Variants in ESX1 observed in about 807,000 individuals in gnomAD.
ESX1 encodes the protein ESX homeobox 1, also known as homeobox protein ESX1.
Under a neutral mutation model 13.2 loss-of-function variants are expected in ESX1, and 2 were observed. The ratio of observed to expected loss-of-function variants is 0.15; its 90% CI spans 0.06 to 0.48. The LOEUF (loss-of-function observed/expected upper bound fraction) is 0.48, where lower values mean the gene tolerates loss of function less well. ESX1 is among the 20% of genes least tolerant of loss of function. The pLI, the probability that ESX1 is intolerant of heterozygous loss-of-function variation, is 0.97. For missense variants in ESX1, 307 were observed against 379.0 expected, an observed-to-expected ratio of 0.81 and a Z score of 1.58; for synonymous variants, 157 against 163.1, an observed-to-expected ratio of 0.96 and a Z score of 0.29.
intron 2 of ESX1, 73 bp downstream of exon 2, chrX:104,254,081 C>A: frequency 9.0e-7 from 1 of 1,116,106 alleles, no homozygotes; most frequent in Non-Finnish European, 1.2e-6. Context: ...CGCCCGTGAG[C>A]CCCCTACGTG....
At chrX:104,254,716 A>G in intron 1 of ESX1, 52 bp downstream of exon 1, 1 of 1,167,104 alleles carries the variant, frequency 8.6e-7, no homozygotes, top group Non-Finnish European at 1.2e-6. Context: ...TCCCAGGGAA[A>G]AATTCCTCTT....
Position 104,250,546 on chromosome X carries a change from C to A in ESX1, c.903G>T (p.Ala301=). 1.8e-6 allele frequency: 2 copies of A among 1,137,586 alleles called. No individual in the cohort carries two copies. The highest frequency in any genetic ancestry group is 2.3e-6 in the Non-Finnish European group (2 of 859,823). 93.7% of individuals were successfully genotyped at this position (1,137,586 alleles called of 1,213,427 possible). The stretch of plus-strand genomic sequence containing the variant: ...CCATGGGCGGCCAGGGTGGCACAGG[C>A]GCCATGGGCGGCCAGGGTGGCACAG... The part of the protein sequence containing the change: ...MAPVPPWPPM[A]PVPPWPPMAP... Residue 301 remains alanine (A), a synonymous_variant, in exon 4 of 4, where the codon GCG becomes GCT. Coordinates refer to ENST00000372588, the MANE Select transcript of ESX1 (RefSeq NM_153448.4).
At position 104,254,715 on chromosome X, in the gene ESX1, A is replaced by G. The variant is rs921846261; in HGVS notation, c.82+53T>C. The G allele has an allele frequency of 1.4e-5, 16 of 1,162,376 alleles. No homozygotes were observed. The African/African-American group carries it at 2.5e-4, about 18-fold the overall frequency. On this transcript the variant is annotated intron_variant, in intron 1 of 3. Transcript: ENST00000372588. ...CTCCTCCGCTTGCCTCTCCCAGGGAAAAATTCCTCTTTTGGAGTTCGCGAA... is the reference window on the plus strand; with the variant it reads ...CTCCTCCGCTTGCCTCTCCCAGGGAGAAATTCCTCTTTTGGAGTTCGCGAA...
rs41305431 is a variant in ESX1, at chrX:104,250,871, T to G, written c.578A>C (p.Lys193Thr). ...TAGCACCCTCTGATTTCGTTTCCAC[T>G]TGGCTCTTCTGTTCTGAAACCAAAC... ...VQVWFQNRRAKWKRNQRVLML... is the reference protein window; with the variant it reads ...VQVWFQNRRATWKRNQRVLML... The change falls in exon 4 of 4, where the codon AAG becomes ACG. Residue 193 changes from lysine (K) to threonine (T), a missense_variant. This residue lies in a region of ESX1 where 108 missense variants were observed against 147.5 expected (regional missense o/e 0.73). Coordinates refer to ENST00000372588, the MANE Select transcript of ESX1 (RefSeq NM_153448.4). The G allele has an allele frequency of 8.3e-7, 1 of 1,204,422 alleles. No homozygotes were observed.
rs1923278596 is a variant in ESX1, at chrX:104,254,479, C to A, written c.181G>T (p.Val61Phe). 19 of 1,210,792 alleles carry A rather than the reference C, an allele frequency of 1.6e-5. No individual in the cohort carries two copies. In the South Asian group the frequency reaches 3.0e-4, roughly 19 times the overall value. ...GAGGGGACGGACCCTTCCGTGCCAACGTTGTTTTCCGCTTCTGTTCCGTAC... is the reference window on the plus strand; with the variant it reads ...GAGGGGACGGACCCTTCCGTGCCAAAGTTGTTTTCCGCTTCTGTTCCGTAC... ...PEYGTEAENN[V>F]GTEGSVPSDD... The change falls in exon 2 of 4, where the codon GTT becomes TTT. Residue 61 changes from valine to phenylalanine, a missense_variant. This residue lies in a region of ESX1 where 152 missense variants were observed against 114.5 expected (regional missense o/e 1.33). Transcript: ENST00000372588.
In ESX1 at chrX:104,250,065, ATAC is replaced by A. The variant is rs1923117073; in HGVS notation, c.*160_*162del. 2 of 656,166 alleles carry A rather than the reference ATAC, an allele frequency of 3.0e-6. No homozygotes were observed. Among genetic ancestry groups the A allele is most frequent in the East Asian group, 8.3e-5 (2 of 23,966 alleles). The allele number at this position is 656,166 out of a possible 1,213,427, so 54.1% of individuals were successfully genotyped here. The stretch of plus-strand genomic sequence containing the variant: ...CTATTAAGTCACATCTTTATTGAAA[ATAC>A]TACAATTATGTGGCCTACAAAAATA... On this transcript the variant is annotated 3_prime_UTR_variant, in exon 4 of 4. Transcript: ENST00000372588.
Position 104,250,787 on chromosome X carries a change from C to G in ESX1, c.662G>C (p.Gly221Ala). 8.3e-7 allele frequency: 1 copy of G among 1,211,443 alleles called. No individual in the cohort carries two copies. Residue 221 changes from glycine to alanine, a missense_variant, in exon 4 of 4, where the codon GGG becomes GCG. By Grantham distance (60) the Gly-to-Ala change is moderately conservative. This residue lies in a region of ESX1 where 108 missense variants were observed against 147.5 expected (regional missense o/e 0.73). Transcript: ENST00000372588. The part of the protein sequence containing the change: ...LAHPLDMFLG[G>A]AYYAAPALDP... ...CAGAGCAGGAGCAGCATAATAGGCC[C>G]CACCCAAGAACATGTCCAAAGGGTG...
At chrX:104,251,229 T>G (rs114197437) in intron 3 of ESX1, among the ~76,000 whole-genome samples, 4,979 of 112,226 alleles carry the variant, frequency 0.044, 245 homozygotes, top group African/African-American at 0.15. Flanking sequence ...TTGGGGGATA[T>G]TCATGCTATA....
In ESX1 at chrX:104,254,367, T is replaced by C. The variant is rs782102492; in HGVS notation, c.293A>G (p.Gln98Arg). Reference sequence around the variant, plus strand: ...CAGCTCGAGCAGGGGCGGCTCCTCCTGCTGTTGCTCCGGCTTGGTCAGGGG... The same window carrying C: ...CAGCTCGAGCAGGGGCGGCTCCTCCCGCTGTTGCTCCGGCTTGGTCAGGGG... ...EPPLTKPEQQ[Q>R]EEPPLLELKQ... Residue 98 changes from glutamine (Q) to arginine (R), a missense_variant, in exon 2 of 4, where the codon CAG becomes CGG. Gln to Arg is a conservative substitution (Grantham distance 43). Around this residue, in one of 3 missense-constraint regions of ESX1, gnomAD observed 152 missense variants for 114.5 expected, o/e 1.33. Transcript: ENST00000372588. 3 of 1,211,442 alleles carry C rather than the reference T, an allele frequency of 2.5e-6. No homozygotes were observed. Among genetic ancestry groups the C allele is most frequent in the South Asian group, 1.8e-5 (1 of 56,955 alleles).
At chrX:104,254,066 G>C in intron 2 of ESX1, 88 bp downstream of exon 2, 1 of 1,083,103 alleles carries the variant, frequency 9.2e-7, no homozygotes, top group South Asian at 2.2e-5. Flanking sequence ...CAAGGGCGGA[G>C]GCAGCGCCCG....
rs73515207 is a variant in ESX1 at position 104,253,381 on chromosome X, T to C, written c.507-553A>G. Among the ~76,000 whole-genome samples the C allele has an allele frequency of 3.2e-3, 342 of 106,468 alleles. 3 individuals are homozygous for C. Among genetic ancestry groups the C allele is most frequent in the African/African-American group, 0.011 (328 of 28,999 alleles). 92.5% of individuals were successfully genotyped at this position (106,468 alleles called of 115,157 possible). A position where few individuals can be genotyped will look rare whatever the true frequency, so the allele number is the denominator to read the frequency against. On this transcript the variant is annotated intron_variant, in intron 2 of 3. Transcript: ENST00000372588. ...AGCAGAGAACAACCCTGGAAATCTTTCCTTGGGAAGTCCGTCCGTGAAAAA... is the reference window on the plus strand; with the variant it reads ...AGCAGAGAACAACCCTGGAAATCTTCCCTTGGGAAGTCCGTCCGTGAAAAA...
At chrX:104,253,152 A>C (rs1487300854) in intron 2 of ESX1, among the ~76,000 whole-genome samples, 5 of 102,918 alleles carry the variant, frequency 4.9e-5, no homozygotes, top group Non-Finnish European at 9.7e-5. Context: ...CAAAAAAAAA[A>C]CATATATATA....
At position 104,254,829 on chromosome X, in the gene ESX1, G is replaced by A; in HGVS notation, c.21C>T (p.Tyr7=). The A allele has an allele frequency of 8.3e-7, 1 of 1,209,540 alleles. No homozygotes were observed. The highest frequency in any genetic ancestry group is 1.1e-6 in the Non-Finnish European group (1 of 893,366). Reference sequence around the variant, plus strand: ...TGCGGTAGCCAATATCACTGTGGGTGTACCCGCGAAGAGACTCCATGCTTC... The same window carrying A: ...TGCGGTAGCCAATATCACTGTGGGTATACCCGCGAAGAGACTCCATGCTTC... MESLRG[Y]THSDIGYRSL... is the part of the protein sequence containing the mutation. The change falls in exon 1 of 4, where the codon TAC becomes TAT. Residue 7 remains tyrosine (Y), a synonymous_variant. Coordinates refer to ENST00000372588, the MANE Select transcript of ESX1 (RefSeq NM_153448.4).
chrX:104,250,648 TATGGGTGGCCTGGGTGGCATAGGGACC>T lies in ESX1; in HGVS notation c.774_800del (p.Met258_Pro266del), dbSNP rs781913614. ...CAGGCGCCATGGGTGGCATAGGTGC[TATGGGTGGCCTGGGTGGCATAGGGACC>T]ATGGGTGGCCTGGGTGGCATAGGTG... On this transcript the variant is annotated inframe_deletion, in exon 4 of 4. Coordinates refer to ENST00000372588, the MANE Select transcript of ESX1 (RefSeq NM_153448.4). 19 of 1,207,285 alleles carry T rather than the reference TATGGGTGGCCTGGGTGGCATAGGGACC, an allele frequency of 1.6e-5. No homozygotes were observed. Among genetic ancestry groups the T allele is most frequent in the Admixed American group, 2.2e-5 (1 of 45,654 alleles).
At chrX:104,253,252 C>T (rs1399234878) in intron 2 of ESX1, among the ~76,000 whole-genome samples, 1 of 108,978 alleles carries the variant, frequency 9.2e-6, no homozygotes. Flanking sequence ...GAGGTTTTTC[C>T]CATTAACAAC....
rs1399629275 is a variant in ESX1, at chrX:104,254,142, C to T, written c.506+12G>A. 4.2e-6 allele frequency: 5 copies of T among 1,186,559 alleles called. No homozygotes were observed. In the African/African-American group the frequency reaches 8.8e-5, roughly 21 times the overall value. ...CGGGATGAACTGGGCGCCTCCGGGG[C>T]AAGCCACTTACCGCGCCACAACGTC... On this transcript the variant is annotated intron_variant, in intron 2 of 3. Transcript: ENST00000372588.
chrX:104,254,585 G>T lies in ESX1; in HGVS notation c.83-8C>A. 1 of 1,205,114 alleles carries T rather than the reference G, an allele frequency of 8.3e-7. No individual in the cohort carries two copies. ...TCACGGTAAGTTTCTCATCTGGGAA[G>T]GGAGGAAAGCAAAAGAGACACCAGG... On this transcript the variant is annotated splice_region_variant and splice_polypyrimidine_tract_variant and intron_variant, in intron 1 of 3. Coordinates refer to ENST00000372588, the MANE Select transcript of ESX1 (RefSeq NM_153448.4).
At chrX:104,252,711 T>C in intron 3 of ESX1, 72 bp downstream of exon 3, 1 of 1,017,137 alleles carries the variant, frequency 9.8e-7, no homozygotes, top group Non-Finnish European at 1.4e-6. Context: ...AGCTTGAGAA[T>C]GTCCAGGACA....
At position 104,254,444 on chromosome X, in the gene ESX1, T is replaced by G. The variant is rs1556395374; in HGVS notation, c.216A>C (p.Gln72His). The G allele has an allele frequency of 3.3e-6, 4 of 1,212,337 alleles. No individual in the cohort carries two copies. The highest frequency in any genetic ancestry group is 3.3e-6 in the Non-Finnish European group (3 of 895,628). Residue 72 changes from glutamine (Q) to histidine (H), a missense_variant, in exon 2 of 4, where the codon CAA becomes CAC. Coordinates refer to ENST00000372588, the MANE Select transcript of ESX1 (RefSeq NM_153448.4). ...CGTGGCCGCCGCCACCCTCACGGTCTTGGTCGTCCGAGGGGACGGACCCTT... is the reference window on the plus strand; with the variant it reads ...CGTGGCCGCCGCCACCCTCACGGTCGTGGTCGTCCGAGGGGACGGACCCTT... The part of the protein sequence containing the change: ...GTEGSVPSDD[Q>H]DREGGGGHEP...
Sources: gnomAD v4.1 joint callset for allele counts (sites outside exome capture counted in the v4.1 genomes callset) on GRCh38, gnomAD v4.1.1 for gene constraint, gnomAD v4.1.1 regional missense constraint, MANE v1.5 for transcripts, NCBI Gene and HGNC (gene_info 2026-07-23, HGNC 2026-07-21) for gene names.